Variants in NAALADL2 observed in about 807,000 individuals in gnomAD.
The protein encoded by NAALADL2 is inactive N-acetylated-alpha-linked acidic dipeptidase-like protein 2.
NAALADL2 carries 76 observed loss-of-function variants against 87.2 expected under a neutral mutation model. The ratio of observed to expected loss-of-function variants is 0.87; its 90% CI spans 0.72 to 1.05. The LOEUF (loss-of-function observed/expected upper bound fraction) is 1.05. NAALADL2 is among the 50% of genes least tolerant of loss of function. The pLI, the probability that NAALADL2 is intolerant of heterozygous loss-of-function variation, is 0.00. For synonymous variants in NAALADL2, 354 were observed against 331.0 expected, an observed-to-expected ratio of 1.07 and a Z score of -0.75; for missense variants, 1,089 against 945.8, an observed-to-expected ratio of 1.15 and a Z score of -1.99.
chr3:175,778,617 T>C lies in NAALADL2; in HGVS notation c.2189+23199T>C, dbSNP rs114623563. ...AGCATAAGTAACACATATAAAGCTT[T>C]TTATTGTATATGTCAGACACTGTGC... On this transcript the variant is annotated intron_variant, in intron 13 of 13. Transcript: ENST00000454872. 4.4e-3 allele frequency among the ~76,000 whole-genome samples: 677 copies of C among 152,310 alleles called. 5 individuals are homozygous for C. The highest frequency in any genetic ancestry group is 0.015 in the African/African-American group (644 of 41,568).
intron 2 of NAALADL2, among the ~76,000 whole-genome samples, chr3:174,711,344 C>T (rs1730611588): frequency 6.6e-6 from 1 of 152,148 alleles, no homozygotes; most frequent in Non-Finnish European, 1.5e-5. Context: ...TTCCATCCCT[C>T]CACCCACCTC....
At chr3:175,102,543 T>C (rs1357087260) in intron 2 of NAALADL2, among the ~76,000 whole-genome samples, 1 of 152,164 alleles carries the variant, frequency 6.6e-6, no homozygotes. Flanking sequence ...AAGCAGTCAA[T>C]CACAGTATGT....
chr3:174,798,466 A>G (rs1427422513), intron 3 of NAALADL2, among the ~76,000 whole-genome samples: 1 of 152,128 alleles, frequency 6.6e-6, no homozygotes, highest in East Asian at 1.9e-4. Context: ...TCTGCAAAAA[A>G]CGGGCAGCTT....
In NAALADL2 at chr3:174,562,064, C is replaced by T. The variant is rs192816939; in HGVS notation, c.-115+11427C>T. ...CCTACTAAATTATTTTTAAAAGATG[C>T]ATTTTAGTGAATACAGAAATATTAT... On this transcript the variant is annotated intron_variant, in intron 2 of 3. Coordinates refer to the NAALADL2 transcript ENST00000434257. Among the ~76,000 whole-genome samples, 284 of 152,126 alleles carry T rather than the reference C, an allele frequency of 1.9e-3. 2 individuals carry two copies. The highest frequency in any genetic ancestry group is 6.3e-3 in the African/African-American group (263 of 41,526).
intron 1 of NAALADL2, among the ~76,000 whole-genome samples, chr3:175,028,756 A>G (rs1427260009): frequency 6.6e-6 from 1 of 151,984 alleles, no homozygotes; most frequent in East Asian, 1.9e-4. Flanking sequence ...ATATAATACT[A>G]TTCCACCTCT....
chr3:175,671,520 A>T (rs1369974170), intron 11 of NAALADL2, among the ~76,000 whole-genome samples: 3 of 151,990 alleles, frequency 2.0e-5, no homozygotes, highest in Admixed American at 1.3e-4. Context: ...AGAGAATTTT[A>T]CTTACATATT....
chr3:174,580,654 C>A (rs939381286), intron 2 of NAALADL2, among the ~76,000 whole-genome samples: 1 of 152,050 alleles, frequency 6.6e-6, no homozygotes, highest in Non-Finnish European at 1.5e-5. Flanking sequence ...ATAGTATTCT[C>A]TCTCTCTCTA....
intron 1 of NAALADL2, among the ~76,000 whole-genome samples, chr3:174,901,039 A>T (rs1037432943): frequency 3.3e-4 from 50 of 152,210 alleles, no homozygotes; most frequent in African/African-American, 1.1e-3. Flanking sequence ...AATTGGAATC[A>T]GTGTGTCCAA....
chr3:174,737,117 T>A (rs1010542836), intron 2 of NAALADL2, among the ~76,000 whole-genome samples: 2 of 152,198 alleles, frequency 1.3e-5, no homozygotes, highest in Admixed American at 1.3e-4. Context: ...CCATGGGGCA[T>A]GCAGCCCTAG....
At chr3:175,207,833 G>A (rs1168797025) in intron 2 of NAALADL2, among the ~76,000 whole-genome samples, 2 of 152,132 alleles carry the variant, frequency 1.3e-5, no homozygotes, top group African/African-American at 4.8e-5. Flanking sequence ...ACAGAGCAGT[G>A]ATGTCTTCTC....
chr3:175,320,742 T>C (rs1759747688), intron 4 of NAALADL2, among the ~76,000 whole-genome samples: 1 of 152,018 alleles, frequency 6.6e-6, no homozygotes, highest in African/African-American at 2.4e-5. Context: ...CTAGAAGAAA[T>C]GGATAAATTC....
At chr3:175,576,300 G>A (rs964245004) in intron 10 of NAALADL2, 113 bp downstream of exon 10, 14 of 952,320 alleles carry the variant, frequency 1.5e-5, no homozygotes, top group African/African-American at 1.0e-4. Flanking sequence ...ATAGAAAAGC[G>A]GCTTCATTTA....
intron 11 of NAALADL2, among the ~76,000 whole-genome samples, chr3:175,708,006 A>G (rs1030873286): frequency 6.6e-6 from 1 of 150,578 alleles, no homozygotes; most frequent in East Asian, 1.9e-4. Context: ...ACATGGGGGA[A>G]AAAAAAACAA....
intron 3 of NAALADL2, among the ~76,000 whole-genome samples, chr3:174,819,058 CTTTTTTTTTTTTT>C (rs3040106): frequency 2.5e-4 from 12 of 47,542 alleles, no homozygotes; most frequent in African/African-American, 8.1e-5. Flanking sequence ...ACCATTTATT[CTTTTTTTTTTTTT>C]TTTTTTTTTT....
intron 9 of NAALADL2, among the ~76,000 whole-genome samples, chr3:175,473,886 T>C (rs1725262230): frequency 6.6e-6 from 1 of 152,150 alleles, no homozygotes; most frequent in African/African-American, 2.4e-5. Flanking sequence ...ATTTCATTAA[T>C]TTGTTTAGAT....
intron 3 of NAALADL2, among the ~76,000 whole-genome samples, chr3:175,240,818 G>A (rs1746729077): frequency 6.6e-6 from 1 of 152,186 alleles, no homozygotes. Context: ...ACCACACCCG[G>A]CTAATTTTGT....
At chr3:174,850,832 A>T (rs1725157341) in intron 3 of NAALADL2, among the ~76,000 whole-genome samples, 1 of 152,154 alleles carries the variant, frequency 6.6e-6, no homozygotes, top group South Asian at 2.1e-4. Context: ...AGCACATGGA[A>T]CATTCTCAAT....
chr3:174,447,546 G>A (rs1281649013), intron 1 of NAALADL2, among the ~76,000 whole-genome samples: 2 of 152,184 alleles, frequency 1.3e-5, no homozygotes, highest in African/African-American at 2.4e-5. Flanking sequence ...GGCCGGGCGA[G>A]GTGGCTAACG....
At chr3:174,544,364 TATA>T (rs1722528567) in intron 1 of NAALADL2, among the ~76,000 whole-genome samples, 1 of 152,130 alleles carries the variant, frequency 6.6e-6, no homozygotes, top group African/African-American at 2.4e-5. Flanking sequence ...TGTGAATATT[TATA>T]ATAACTATGT....
Sources: gnomAD v4.1 joint callset for allele counts (sites outside exome capture counted in the v4.1 genomes callset) on GRCh38, gnomAD v4.1.1 for gene constraint, MANE v1.5 for transcripts, NCBI Gene and HGNC (gene_info 2026-07-23, HGNC 2026-07-21) for gene names.